The following TPRG1 variants were observed in gnomAD, a reference collection of about 807,000 sequenced individuals.
TPRG1 encodes the protein tumor protein p63 regulated 1.
In TPRG1, 29 loss-of-function variants were observed where a neutral mutation model predicts 29.3. The ratio of observed to expected loss-of-function variants is 0.99; its 90% CI spans 0.74 to 1.35. TPRG1 has a LOEUF of 1.35. TPRG1 is among the 40% of genes most tolerant of loss of function. The pLI, the probability that TPRG1 is intolerant of heterozygous loss-of-function variation, is 0.00. For missense variants in TPRG1, 327 were observed against 335.0 expected, an observed-to-expected ratio of 0.98 and a Z score of 0.19; for synonymous variants, 130 against 116.8, an observed-to-expected ratio of 1.11 and a Z score of -0.73.
At chr3:189,024,312 C>T (rs1329053907) in intron 4 of TPRG1, among the ~76,000 whole-genome samples, 4 of 152,068 alleles carry the variant, frequency 2.6e-5, no homozygotes, top group Non-Finnish European at 5.9e-5. Flanking sequence ...GCTGGGGAAC[C>T]GCCTCTGCCC....
rs565851325 is a variant in TPRG1 at position 189,109,349 on chromosome 3, G to A, written c.-744+9145G>A. 8.5e-5 allele frequency among the ~76,000 whole-genome samples: 13 copies of A among 152,298 alleles called. No individual in the cohort carries two copies. The South Asian group carries it at 2.5e-3, about 29-fold the overall frequency. ...CACAGTAGCCTTGTAAGAGTGACGT[G>A]GAAACAATGGGAGTTACCTGGAGTT... On this transcript the variant is annotated intron_variant, in intron 1 of 6. Coordinates refer to the TPRG1 transcript ENST00000412373.
chr3:189,195,765 G>A (rs925910694), intron 1 of TPRG1, among the ~76,000 whole-genome samples: 4 of 152,140 alleles, frequency 2.6e-5, no homozygotes, highest in Admixed American at 2.6e-4. Flanking sequence ...TTTCTTCCTT[G>A]TTGTAGACAG....
intron 4 of TPRG1, among the ~76,000 whole-genome samples, chr3:189,089,850 CA>C (rs1445780458): frequency 2.6e-5 from 4 of 152,118 alleles, no homozygotes; most frequent in Non-Finnish European, 5.9e-5. Flanking sequence ...AGGGGACAAA[CA>C]TTTAAACCAT....
In TPRG1 at chr3:189,111,409, T is replaced by C. The variant is rs544706194; in HGVS notation, c.-744+11205T>C. 2.0e-5 allele frequency among the ~76,000 whole-genome samples: 3 copies of C among 152,252 alleles called. No individual in the cohort carries two copies. In the South Asian group the frequency reaches 6.2e-4, roughly 32 times the overall value. ...AGTATAGATGATCCCCTACTTATAA[T>C]GGTCCAACTTATAATTTTTCAACTT... On this transcript the variant is annotated intron_variant, in intron 1 of 6. Transcript: ENST00000412373.
At chr3:189,294,288 T>A (rs762535603) in intron 4 of TPRG1, among the ~76,000 whole-genome samples, 4 of 152,102 alleles carry the variant, frequency 2.6e-5, no homozygotes, top group Non-Finnish European at 5.9e-5. Context: ...ATATGGAAGA[T>A]CCTATGGGGA....
chr3:189,209,255 G>T (rs1734885761), intron 2 of TPRG1, among the ~76,000 whole-genome samples: 1 of 152,210 alleles, frequency 6.6e-6, no homozygotes, highest in South Asian at 2.1e-4. Flanking sequence ...CAGGATAACA[G>T]TTGCCATGAA....
In TPRG1 at chr3:189,290,451, T is replaced by A. The variant is rs550994208; in HGVS notation, c.480-19935T>A. Among the ~76,000 whole-genome samples the A allele has an allele frequency of 6.6e-5, 10 of 152,370 alleles. No homozygotes were observed. The South Asian group carries it at 1.9e-3, about 28-fold the overall frequency. ...ATAAAGTAAAGAGAAATATGGAAGATGACTTGATGATATCTTTCGTTGAGC... is the reference window on the plus strand; with the variant it reads ...ATAAAGTAAAGAGAAATATGGAAGAAGACTTGATGATATCTTTCGTTGAGC... On this transcript the variant is annotated intron_variant, in intron 4 of 5. Transcript: ENST00000345063.
At chr3:189,050,785 A>C (rs536828824) in intron 4 of TPRG1, among the ~76,000 whole-genome samples, 15 of 152,350 alleles carry the variant, frequency 9.8e-5, no homozygotes, top group African/African-American at 3.6e-4. Context: ...AACGTACACA[A>C]GTCAATAAAT....
intron 3 of TPRG1, among the ~76,000 whole-genome samples, chr3:189,137,296 ATG>A (rs10525363): frequency 0.093 from 12,019 of 129,648 alleles, 382 homozygotes; most frequent in African/African-American, 0.098. Flanking sequence ...AAACCCCAAA[ATG>A]TGTGTGTGTG....
At chr3:189,300,317 A>G (rs1720631652) in intron 4 of TPRG1, among the ~76,000 whole-genome samples, 1 of 152,248 alleles carries the variant, frequency 6.6e-6, no homozygotes, top group African/African-American at 2.4e-5. Context: ...AGAACTAGAC[A>G]TAATGTATGT....
chr3:189,292,823 C>T (rs146781453), intron 4 of TPRG1, among the ~76,000 whole-genome samples: 6 of 152,096 alleles, frequency 3.9e-5, no homozygotes, highest in East Asian at 3.9e-4. Context: ...TACCTGGCAA[C>T]GAGCAGAGAT....
At chr3:189,006,737 A>G (rs1206594828) in intron 3 of TPRG1, among the ~76,000 whole-genome samples, 3 of 152,088 alleles carry the variant, frequency 2.0e-5, no homozygotes, top group Admixed American at 2.0e-4. Flanking sequence ...TAATTTCTTT[A>G]TATGCCTTAG....
chr3:189,219,237 C>A (rs74446729), intron 3 of TPRG1, among the ~76,000 whole-genome samples: 10,138 of 152,166 alleles, frequency 0.067, 472 homozygotes, highest in Middle Eastern at 0.13. Flanking sequence ...TTGATATGGG[C>A]ACATTATTCA....
chr3:189,146,251 C>T (rs1266285307), intron 3 of TPRG1, among the ~76,000 whole-genome samples: 2 of 152,102 alleles, frequency 1.3e-5, no homozygotes, highest in African/African-American at 4.8e-5. Flanking sequence ...TCATGTTGGG[C>T]AGTGAGTTAA....
intron 1 of TPRG1, among the ~76,000 whole-genome samples, chr3:189,204,371 A>C (rs1733985035): frequency 1.3e-5 from 2 of 152,140 alleles, no homozygotes; most frequent in Non-Finnish European, 2.9e-5. Context: ...AGGTCATGAG[A>C]AATAGAGTGG....
At chr3:189,302,355 G>A (rs774041556) in intron 4 of TPRG1, among the ~76,000 whole-genome samples, 2 of 152,064 alleles carry the variant, frequency 1.3e-5, no homozygotes, top group South Asian at 2.1e-4. Flanking sequence ...AATTGTATCC[G>A]GAGCAATTTC....
intron 5 of TPRG1, among the ~76,000 whole-genome samples, chr3:189,159,429 G>C (rs1331434362): frequency 6.6e-6 from 1 of 152,102 alleles, no homozygotes; most frequent in African/African-American, 2.4e-5. Context: ...AGATAATAGA[G>C]ACGGAGAATT....
chr3:189,205,358 C>T (rs758687486), intron 1 of TPRG1, among the ~76,000 whole-genome samples: 2 of 152,214 alleles, frequency 1.3e-5, no homozygotes, highest in Non-Finnish European at 2.9e-5. Context: ...TCAGGGTGAA[C>T]ATATATATAG....
At chr3:189,219,843 TA>T in intron 3 of TPRG1, 2 of 818,008 alleles carry the variant, frequency 2.4e-6, no homozygotes, top group Non-Finnish European at 3.0e-6. Context: ...TCTTCATCTT[TA>T]TAAAAGATAC....
Sources: gnomAD v4.1 joint callset for allele counts (sites outside exome capture counted in the v4.1 genomes callset) on GRCh38, gnomAD v4.1.1 for gene constraint, MANE v1.5 for transcripts, NCBI Gene and HGNC (gene_info 2026-07-23, HGNC 2026-07-21) for gene names.